The following CCDC91 variants were observed in gnomAD, a reference collection of about 807,000 sequenced individuals.
The protein encoded by CCDC91 is coiled-coil domain containing 91.
In CCDC91, 48 loss-of-function variants were observed where a neutral mutation model predicts 63.2. That is an observed-to-expected ratio of 0.76 (90% CI 0.60 to 0.97). CCDC91 has a LOEUF of 0.97. Among genes scored for constraint, CCDC91 ranks in the 50% least tolerant of loss-of-function variants. CCDC91 has a pLI of 0.00. For missense variants in CCDC91, 500 were observed against 494.6 expected, an observed-to-expected ratio of 1.01 and a Z score of -0.10; for synonymous variants, 167 against 165.8, an observed-to-expected ratio of 1.01 and a Z score of -0.06.
At chr12:28,438,938 T>C (rs892045265) in intron 8 of CCDC91, among the ~76,000 whole-genome samples, 1 of 152,170 alleles carries the variant, frequency 6.6e-6, no homozygotes, top group Admixed American at 6.5e-5. Flanking sequence ...ATCCTCTGCT[T>C]AAATTGAGGA....
chr12:28,521,944 G>A (rs1456386827), intron 12 of CCDC91, among the ~76,000 whole-genome samples: 1 of 152,156 alleles, frequency 6.6e-6, no homozygotes, highest in Non-Finnish European at 1.5e-5. Flanking sequence ...TGGTGGATAA[G>A]CTTTTTGATG....
At chr12:28,288,087 T>C (rs11049505) in intron 3 of CCDC91, among the ~76,000 whole-genome samples, 30,504 of 152,126 alleles carry the variant, frequency 0.2, 4,008 homozygotes, top group Non-Finnish European at 0.3. Context: ...GTTACCAGCT[T>C]AAGGAGCTTT....
At chr12:28,262,431 TG>T (rs1565689678) in intron 3 of CCDC91, among the ~76,000 whole-genome samples, 2 of 151,996 alleles carry the variant, frequency 1.3e-5, no homozygotes, top group Non-Finnish European at 2.9e-5. Context: ...GAGGTGGGTT[TG>T]GTGAGCCTAG....
At chr12:28,190,689 GC>G in intron 1 of CCDC91, 48 bp downstream of exon 1, 1 of 152,420 alleles carries the variant, frequency 6.6e-6, no homozygotes, top group South Asian at 2.1e-4. Flanking sequence ...GGTCGGGGCC[GC>G]GCGAGGCGAG....
chr12:28,268,432 A>G (rs898949273), intron 3 of CCDC91, among the ~76,000 whole-genome samples: 11 of 152,136 alleles, frequency 7.2e-5, no homozygotes, highest in Non-Finnish European at 1.5e-4. Context: ...TATTAACAAC[A>G]TGGAAGAATC....
chr12:28,322,930 G>A (rs1369642922), intron 6 of CCDC91, among the ~76,000 whole-genome samples: 1 of 151,058 alleles, frequency 6.6e-6, no homozygotes, highest in Non-Finnish European at 1.5e-5. Context: ...TTCCTTATTA[G>A]TATGTTAGAT....
At position 28,533,261 on chromosome 12, in the gene CCDC91, C is replaced by T. The variant is rs187822745; in HGVS notation, c.1216-15802C>T. Among the ~76,000 whole-genome samples the T allele has an allele frequency of 6.2e-3, 944 of 152,078 alleles. 8 individuals are homozygous for T. Among genetic ancestry groups the T allele is most frequent in the Middle Eastern group, 0.014 (4 of 294 alleles). ...CTATTTTAAAATATTTTCATTGAAT[C>T]TCTTTTCCATTTTTTGAGATTCGTA... On this transcript the variant is annotated intron_variant, in intron 12 of 12. Transcript: ENST00000536442.
At chr12:28,417,238 CATTT>C (rs1565940297) in intron 8 of CCDC91, among the ~76,000 whole-genome samples, 1 of 151,680 alleles carries the variant, frequency 6.6e-6, no homozygotes, top group Non-Finnish European at 1.5e-5. Context: ...TGTTGGCTTT[CATTT>C]ATTTTTTCAT....
chr12:28,268,584 T>G (rs1947520550), intron 3 of CCDC91: 1 of 771,278 alleles, frequency 1.3e-6, no homozygotes, highest in Non-Finnish European at 1.6e-6. Flanking sequence ...GTCTCCCCTT[T>G]GGTTCTGGAA....
chr12:28,485,937 G>A (rs1186932002), intron 12 of CCDC91, among the ~76,000 whole-genome samples: 6 of 152,112 alleles, frequency 3.9e-5, no homozygotes, highest in Non-Finnish European at 8.8e-5. Flanking sequence ...CTTCTTGTGG[G>A]TATTTGCTTT....
At chr12:28,400,939 C>T (rs1361473368) in intron 8 of CCDC91, among the ~76,000 whole-genome samples, 1 of 152,148 alleles carries the variant, frequency 6.6e-6, no homozygotes, top group Non-Finnish European at 1.5e-5. Context: ...TCAGAAGTTC[C>T]AAACTTTCCC....
chr12:28,394,861 G>A lies in CCDC91; in HGVS notation c.762+3450G>A, dbSNP rs1195742362. On this transcript the variant is annotated intron_variant, in intron 8 of 12. Coordinates refer to ENST00000536442, the MANE Select transcript of CCDC91 (RefSeq NM_018318.5). Reference sequence around the variant, plus strand: ...AGGGCAAGTCTCTTAATCTCTCTGTGCCTCATTTTTTTCCTCTATGGATGA... The same window carrying A: ...AGGGCAAGTCTCTTAATCTCTCTGTACCTCATTTTTTTCCTCTATGGATGA... Among the ~76,000 whole-genome samples the A allele has an allele frequency of 3.3e-5, 5 of 152,092 alleles. No individual in the cohort carries two copies. In the East Asian group the frequency reaches 9.7e-4, roughly 29 times the overall value.
At chr12:28,428,652 G>A (rs185008722) in intron 8 of CCDC91, among the ~76,000 whole-genome samples, 53 of 150,422 alleles carry the variant, frequency 3.5e-4, no homozygotes, top group African/African-American at 1.2e-3. Context: ...ATATGGAAGA[G>A]TAAGGCATCG....
At chr12:28,479,447 C>T (rs1951317520) in intron 11 of CCDC91, among the ~76,000 whole-genome samples, 4 of 151,796 alleles carry the variant, frequency 2.6e-5, no homozygotes, top group Non-Finnish European at 5.9e-5. Context: ...GGGATCATCA[C>T]ACACTGGGGC....
intron 12 of CCDC91, among the ~76,000 whole-genome samples, chr12:28,537,823 T>G (rs1024083093): frequency 6.6e-6 from 1 of 152,200 alleles, no homozygotes; most frequent in Non-Finnish European, 1.5e-5. Context: ...TGTCCCACTT[T>G]TAAGGAGCAC....
intron 8 of CCDC91, among the ~76,000 whole-genome samples, chr12:28,435,117 A>G (rs546260151): frequency 6.7e-6 from 1 of 150,280 alleles, no homozygotes; most frequent in East Asian, 2.0e-4. Context: ...TTTTTCCTCT[A>G]TTTTCTGTTT....
chr12:28,392,129 A>C (rs571924108), intron 8 of CCDC91, among the ~76,000 whole-genome samples: 1 of 152,188 alleles, frequency 6.6e-6, no homozygotes, highest in Non-Finnish European at 1.5e-5. Context: ...AGTTCTATTA[A>C]GTATTTTTCA....
intron 1 of CCDC91, among the ~76,000 whole-genome samples, chr12:28,194,168 G>A (rs1339564186): frequency 2.0e-5 from 3 of 151,958 alleles, no homozygotes; most frequent in Admixed American, 2.0e-4. Flanking sequence ...AACTTTTATA[G>A]CTTTAAATTT....
intron 1 of CCDC91, among the ~76,000 whole-genome samples, chr12:28,224,316 A>G (rs1270109181): frequency 6.6e-6 from 1 of 152,168 alleles, no homozygotes; most frequent in Non-Finnish European, 1.5e-5. Flanking sequence ...TTCTACTGTC[A>G]TCAACCTATT....
Sources: allele counts gnomAD v4.1 joint callset (sites outside exome capture counted in the v4.1 genomes callset), GRCh38; gene constraint gnomAD v4.1.1; transcripts MANE v1.5; gene names NCBI Gene and HGNC (gene_info 2026-07-23, HGNC 2026-07-21).